Variants in DOCK3 observed in about 807,000 individuals in gnomAD.
DOCK3 encodes dedicator of cytokinesis protein 3.
A neutral mutation model predicts 265.6 loss-of-function variants in DOCK3; 60 were observed. The observed-to-expected ratio is 0.23, with a 90% CI of 0.18 to 0.28. DOCK3 has a LOEUF of 0.28. Ranked by LOEUF, DOCK3 falls within the 10% of genes least tolerant of loss-of-function variation. The pLI is 1.00. For synonymous variants in DOCK3, 881 were observed against 938.0 expected (o/e 0.94, Z 1.11); for missense variants, 1,981 against 2,594.3 (o/e 0.76, Z 5.14).
intron 3 of DOCK3, among the ~76,000 whole-genome samples, chr3:50,866,139 C>G (rs1468322364): frequency 2.6e-5 from 4 of 151,910 alleles, no homozygotes; most frequent in African/African-American, 9.7e-5. Context: ...TTGATGTGAT[C>G]CCGTTTGTCC....
At chr3:51,356,709 C>T (rs2086390895) in intron 43 of DOCK3, among the ~76,000 whole-genome samples, 1 of 152,196 alleles carries the variant, frequency 6.6e-6, no homozygotes, top group South Asian at 2.1e-4. Context: ...TCCTACTTTA[C>T]ATATGAGAAA....
chr3:51,070,721 A>C (rs573608413), intron 6 of DOCK3, among the ~76,000 whole-genome samples: 3 of 152,302 alleles, frequency 2.0e-5, no homozygotes, highest in South Asian at 4.2e-4. Context: ...CTCAGCTGAT[A>C]CTGGGTCCCC....
chr3:51,017,981 C>T (rs145465973), intron 5 of DOCK3, among the ~76,000 whole-genome samples: 1 of 151,770 alleles, frequency 6.6e-6, no homozygotes, highest in East Asian at 1.9e-4. Context: ...TAACCTCTGC[C>T]TCCCATGTTC....
chr3:50,820,266 A>G (rs2044329589), intron 2 of DOCK3, among the ~76,000 whole-genome samples: 1 of 152,166 alleles, frequency 6.6e-6, no homozygotes, highest in African/African-American at 2.4e-5. Context: ...CCAAGAACCC[A>G]CATGGCCTCC....
intron 6 of DOCK3, among the ~76,000 whole-genome samples, chr3:51,065,049 G>T (rs896264034): frequency 6.6e-6 from 1 of 152,088 alleles, no homozygotes; most frequent in Non-Finnish European, 1.5e-5. Flanking sequence ...GAATATTTTT[G>T]ACTACCTTGT....
rs1480458809 is a variant in DOCK3, at chr3:50,877,308, G to A, written c.163-12718G>A. 3 of 381,886 alleles carry A rather than the reference G, an allele frequency of 7.9e-6. No homozygotes were observed. In the East Asian group the frequency reaches 2.0e-4, roughly 25 times the overall value. 23.7% of individuals were successfully genotyped at this position (381,886 alleles called of 1,614,324 possible). On this transcript the variant is annotated intron_variant, in intron 3 of 52. Transcript: ENST00000266037. ...TATTTCTATTCAACCTTTTTCTAAT[G>A]TTGTGCAATTTTCTTGGCCCTCAGT... is the stretch of plus-strand genomic sequence containing the variant.
intron 37 of DOCK3, among the ~76,000 whole-genome samples, chr3:51,339,647 G>A (rs1217796685): frequency 1.3e-5 from 2 of 152,268 alleles, no homozygotes; most frequent in African/African-American, 4.8e-5. Flanking sequence ...AAATTTTAAA[G>A]CATTTCAAAG....
chr3:50,809,419 A>G (rs968986445), intron 2 of DOCK3, among the ~76,000 whole-genome samples: 1 of 152,148 alleles, frequency 6.6e-6, no homozygotes, highest in African/African-American at 2.4e-5. Flanking sequence ...ACACGATACC[A>G]AGTGCTAGTG....
chr3:51,070,382 A>G (rs1373099242), intron 6 of DOCK3, among the ~76,000 whole-genome samples: 1 of 152,206 alleles, frequency 6.6e-6, no homozygotes, highest in Non-Finnish European at 1.5e-5. Flanking sequence ...CCATAGGTTC[A>G]GAATGAGAAC....
At chr3:51,065,025 A>G (rs1455167751) in intron 6 of DOCK3, among the ~76,000 whole-genome samples, 1 of 152,216 alleles carries the variant, frequency 6.6e-6, no homozygotes, top group Non-Finnish European at 1.5e-5. Flanking sequence ...GAAACTGTCT[A>G]CATTTGTACT....
intron 4 of DOCK3, among the ~76,000 whole-genome samples, chr3:50,907,017 A>G (rs1158539127): frequency 6.6e-6 from 1 of 152,038 alleles, no homozygotes; most frequent in African/African-American, 2.4e-5. Context: ...TTATGTACCC[A>G]GTAGTCATTC....
intron 7 of DOCK3, among the ~76,000 whole-genome samples, chr3:51,081,434 AT>A (rs2082233083): frequency 6.6e-6 from 1 of 152,218 alleles, no homozygotes; most frequent in Non-Finnish European, 1.5e-5. Context: ...AAAAATAACA[AT>A]TATACTAATA....
At chr3:50,943,361 A>G (rs960097124) in intron 5 of DOCK3, among the ~76,000 whole-genome samples, 1 of 152,130 alleles carries the variant, frequency 6.6e-6, no homozygotes, top group African/African-American at 2.4e-5. Flanking sequence ...CTATGGTCCA[A>G]TTAAGACATT....
intron 12 of DOCK3, among the ~76,000 whole-genome samples, chr3:51,205,601 C>G (rs569762464): frequency 6.6e-6 from 1 of 151,604 alleles, no homozygotes; most frequent in Admixed American, 6.6e-5. Flanking sequence ...GCTCTGGAGA[C>G]TGAGGTAGGG....
At chr3:51,339,494 C>A (rs1560464398) in intron 37 of DOCK3, among the ~76,000 whole-genome samples, 1 of 152,206 alleles carries the variant, frequency 6.6e-6, no homozygotes, top group Non-Finnish European at 1.5e-5. Context: ...GCTCTTCAGA[C>A]CCTGCAACTG....
At chr3:50,932,302 C>A (rs183748241) in intron 4 of DOCK3, among the ~76,000 whole-genome samples, 17 of 152,220 alleles carry the variant, frequency 1.1e-4, no homozygotes, top group Middle Eastern at 3.4e-3. Flanking sequence ...ACTGAGTCAT[C>A]TTTGAACACA....
intron 5 of DOCK3, among the ~76,000 whole-genome samples, chr3:50,970,021 G>T (rs1370277273): frequency 6.6e-6 from 1 of 152,030 alleles, no homozygotes; most frequent in South Asian, 2.1e-4. Context: ...CCAGTGAGCC[G>T]AGATAGCGCC....
intron 5 of DOCK3, among the ~76,000 whole-genome samples, chr3:51,025,114 T>C (rs149620372): frequency 1.3e-5 from 2 of 152,208 alleles, no homozygotes; most frequent in East Asian, 3.9e-4. Context: ...TCTTAGGTGA[T>C]GGGTGGGGCT....
intron 2 of DOCK3, chr3:50,787,346 A>T (rs1576433583): frequency 2.5e-6 from 1 of 403,902 alleles, no homozygotes; most frequent in East Asian, 5.9e-5. Context: ...GACCAGCCTG[A>T]TCAACATGTA....
Sources: gnomAD v4.1 joint callset for allele counts (sites outside exome capture counted in the v4.1 genomes callset) on GRCh38, gnomAD v4.1.1 for gene constraint, MANE v1.5 for transcripts, NCBI Gene and HGNC (gene_info 2026-07-23, HGNC 2026-07-21) for gene names.